The following MTMR14 variants were observed in gnomAD, a reference collection of about 807,000 sequenced individuals.
MTMR14 encodes myotubularin related protein 14, also known as phosphatidylinositol-3,5-bisphosphate 3-phosphatase MTMR14.
MTMR14 carries 48 observed loss-of-function variants against 86.3 expected under a neutral mutation model. The ratio of observed to expected loss-of-function variants is 0.56; its 90% confidence interval spans 0.44 to 0.71. The LOEUF is 0.71. MTMR14 is among the 30% of genes least tolerant of loss of function. MTMR14 has a pLI of 0.00. For missense variants in MTMR14, 780 were observed against 834.6 expected (o/e 0.93, Z 0.81); for synonymous variants, 366 against 326.1 (o/e 1.12, Z -1.32).
intron 7 of MTMR14, among the ~76,000 whole-genome samples, chr3:9,676,567 C>T (rs747511800): frequency 2.8e-4 from 42 of 152,230 alleles, no homozygotes; most frequent in Non-Finnish European, 3.8e-4. Flanking sequence ...CATCCTTAAA[C>T]AGCCATTTTA....
rs1223876106 is a variant in MTMR14, at chr3:9,687,824, T to C, written c.1168T>C (p.Phe390Leu). The C allele has an allele frequency of 6.4e-6, 10 of 1,573,758 alleles. No homozygotes were observed. The highest frequency in any genetic ancestry group is 8.6e-6 in the Non-Finnish European group (10 of 1,156,818). The change falls in exon 14 of 19, where the codon TTC becomes CTC. Residue 390 changes from phenylalanine (F) to leucine (L), a missense_variant. Coordinates refer to ENST00000296003, the MANE Select transcript of MTMR14 (RefSeq NM_001077525.3). ...VDRLSKGEEI[F>L]FFCFNFLKHI... Reference sequence around the variant, plus strand: ...GCTGCTCTTTGGTCTCCTTTAGATTTTCTTCTTCTGCTTCAATTTTTTGAA... The same window carrying C: ...GCTGCTCTTTGGTCTCCTTTAGATTCTCTTCTTCTGCTTCAATTTTTTGAA...
rs912396414 is a variant in MTMR14 at position 9,672,594 on chromosome 3, C to G, written c.678-91C>G. 3 of 1,145,496 alleles carry G rather than the reference C, an allele frequency of 2.6e-6. No individual in the cohort carries two copies. The African/African-American group carries it at 4.6e-5, about 17-fold the overall frequency. 71.0% of individuals were successfully genotyped at this position (1,145,496 alleles called of 1,614,324 possible). A position where few individuals can be genotyped will look rare whatever the true frequency, so the allele number is the denominator to read the frequency against. On this transcript the variant is annotated intron_variant, in intron 6 of 18. Coordinates refer to ENST00000296003, the MANE Select transcript of MTMR14 (RefSeq NM_001077525.3). ...GAAGAATAGTTTTTTTTAGCAGAAG[C>G]TTCATTTGTGATTATAACCCTTATT...
intron 7 of MTMR14, among the ~76,000 whole-genome samples, chr3:9,673,554 A>G (rs555261485): frequency 4.1e-4 from 63 of 152,040 alleles, no homozygotes; most frequent in Non-Finnish European, 3.1e-4. Context: ...CCTCTCTCCT[A>G]TTTCTCAGCA....
rs543084165 is a variant in MTMR14 at position 9,701,795 on chromosome 3, C to T, written c.1775C>T (p.Ala592Val). The change falls in exon 19 of 19, where the codon GCA becomes GTA. Residue 592 changes from alanine to valine, a missense_variant. Coordinates refer to ENST00000296003, the MANE Select transcript of MTMR14 (RefSeq NM_001077525.3). The surrounding 1 kb of genome is among the most constrained non-coding windows in gnomAD (Gnocchi z 4.2). ...PDELPNSCLL[A>V]ALSDRETRLQ... The stretch of plus-strand genomic sequence containing the variant: ...TTCTCTTGACCTCCCCATAGGCTTG[C>T]AGCCCTGAGTGATCGAGAGACTCGG... 8.1e-6 allele frequency: 13 copies of T among 1,613,780 alleles called. No individual in the cohort carries two copies. In the Middle Eastern group the frequency reaches 4.9e-4, roughly 61 times the overall value.
At chr3:9,654,631 G>T (rs1423799621) in intron 2 of MTMR14, among the ~76,000 whole-genome samples, 1 of 152,218 alleles carries the variant, frequency 6.6e-6, no homozygotes, top group African/African-American at 2.4e-5. Context: ...GGAATTTCAG[G>T]AGCCGTTGTC....
chr3:9,673,489 C>T (rs1399847611), intron 7 of MTMR14, among the ~76,000 whole-genome samples: 1 of 152,240 alleles, frequency 6.6e-6, no homozygotes, highest in Non-Finnish European at 1.5e-5. Context: ...CCTCTAACAT[C>T]AGTGCAAGAT....
At chr3:9,678,912 C>T (rs1329319750) in intron 9 of MTMR14, among the ~76,000 whole-genome samples, 1 of 152,200 alleles carries the variant, frequency 6.6e-6, no homozygotes, top group African/African-American at 2.4e-5. Flanking sequence ...GGCACAGAGC[C>T]TAGAACTTGA....
Position 9,672,765 on chromosome 3 carries a change from G to T in MTMR14, c.751+7G>T. 1 of 1,613,982 alleles carries T rather than the reference G, an allele frequency of 6.2e-7. No individual in the cohort carries two copies. The highest frequency in any genetic ancestry group is 8.5e-7 in the Non-Finnish European group (1 of 1,179,892). On this transcript the variant is annotated splice_region_variant and intron_variant, in intron 7 of 18. Coordinates refer to ENST00000296003, the MANE Select transcript of MTMR14 (RefSeq NM_001077525.3). ...CTCTCCATCCCGTATCCAGGTAGGG[G>T]GCTCTCTTCTAGTGGCAGGCATCCT...
intron 3 of MTMR14, among the ~76,000 whole-genome samples, chr3:9,668,296 C>T (rs560735729): frequency 1.4e-4 from 21 of 152,206 alleles, no homozygotes; most frequent in African/African-American, 3.9e-4. Context: ...CATTATATGA[C>T]CTTACACATC....
chr3:9,686,594 ACATATTAG>A (rs1008492118), intron 13 of MTMR14, among the ~76,000 whole-genome samples: 15 of 152,350 alleles, frequency 9.8e-5, no homozygotes, highest in East Asian at 5.8e-4. Context: ...GGTTCGGGGA[ACATATTAG>A]CATATTAGCA....
At chr3:9,673,933 GTGA>G (rs1334373861) in intron 7 of MTMR14, among the ~76,000 whole-genome samples, 3 of 152,194 alleles carry the variant, frequency 2.0e-5, no homozygotes, top group Non-Finnish European at 4.4e-5. Flanking sequence ...GATGATGGTG[GTGA>G]TGATGTTGAT....
chr3:9,699,969 T>A (rs2076402425), intron 18 of MTMR14: 1 of 152,244 alleles, frequency 6.6e-6, no homozygotes, highest in South Asian at 2.1e-4. Context: ...TTGTTGATGG[T>A]AGTACAGGAA....
In MTMR14 at chr3:9,697,843, G is replaced by C; in HGVS notation, c.1746G>C (p.Pro582=). ...ACTCCTCTCTCCCTTTCAGCTTCCC[G>C]GATGAGCTCCCTAACAGTTGTCTGT... ...HTDSSLPFSF[P]DELPNSCLLA... is the part of the protein sequence containing the mutation. Residue 582 remains proline (P), a synonymous_variant, in exon 18 of 19, where the codon CCG becomes CCC. Coordinates refer to ENST00000296003, the MANE Select transcript of MTMR14 (RefSeq NM_001077525.3). The C allele has an allele frequency of 6.2e-7, 1 of 1,614,184 alleles. No individual in the cohort carries two copies. The highest frequency in any genetic ancestry group is 1.3e-5 in the African/African-American group (1 of 75,054).
At chr3:9,652,883 A>T (rs1283733508) in intron 1 of MTMR14, among the ~76,000 whole-genome samples, 1 of 152,136 alleles carries the variant, frequency 6.6e-6, no homozygotes, top group African/African-American at 2.4e-5. Flanking sequence ...CTGAGGTTGC[A>T]GTGAGCTGAG....
intron 9 of MTMR14, among the ~76,000 whole-genome samples, chr3:9,679,806 G>A (rs2075699953): frequency 6.6e-6 from 1 of 152,228 alleles, no homozygotes; most frequent in African/African-American, 2.4e-5. Flanking sequence ...CTGCTAGCTA[G>A]CTAATTCAGG....
Position 9,702,345 on chromosome 3 carries a change from C to T in MTMR14, c.*372C>T. 1 of 338,476 alleles carries T rather than the reference C, an allele frequency of 3.0e-6. No individual in the cohort carries two copies. The highest frequency in any genetic ancestry group is 5.7e-6 in the Non-Finnish European group (1 of 175,734). The allele number at this position is 338,476 out of a possible 1,614,324, so 21.0% of individuals were successfully genotyped here. On this transcript the variant is annotated 3_prime_UTR_variant, in exon 19 of 19. Coordinates refer to ENST00000296003, the MANE Select transcript of MTMR14 (RefSeq NM_001077525.3). ...GGGATCACCTGCACTGAGAATGAGGCAGTTTGACACAGATCACAAAATAAA... is the reference window on the plus strand; with the variant it reads ...GGGATCACCTGCACTGAGAATGAGGTAGTTTGACACAGATCACAAAATAAA...
intron 1 of MTMR14, among the ~76,000 whole-genome samples, chr3:9,653,415 GT>G (rs1329131779): frequency 6.8e-6 from 1 of 146,394 alleles, no homozygotes; most frequent in African/African-American, 2.8e-5. Flanking sequence ...ATTGTTAGGG[GT>G]TTAAGAATCC....
chr3:9,673,610 T>C (rs114973315), intron 7 of MTMR14, among the ~76,000 whole-genome samples: 1,818 of 152,252 alleles, frequency 0.012, 16 homozygotes, highest in Non-Finnish European at 0.019. Context: ...CTCCTCAATA[T>C]TGGGGCCACA....
chr3:9,682,206 A>C (rs2075790991), intron 9 of MTMR14, among the ~76,000 whole-genome samples: 1 of 152,202 alleles, frequency 6.6e-6, no homozygotes, highest in Non-Finnish European at 1.5e-5. Flanking sequence ...ACAGCACTAC[A>C]GCGCCTGTCT....
Sources: allele counts gnomAD v4.1 joint callset (sites outside exome capture counted in the v4.1 genomes callset), GRCh38; gene constraint gnomAD v4.1.1; non-coding constraint Gnocchi (gnomAD v3.1); transcripts MANE v1.5; gene names NCBI Gene and HGNC (gene_info 2026-07-23, HGNC 2026-07-21).